Variants in UBR4 observed in about 807,000 individuals in gnomAD.
UBR4 encodes the protein ubiquitin protein ligase E3 component n-recognin 4, also known as E3 ubiquitin-protein ligase UBR4.
In UBR4, 124 loss-of-function variants were observed where a neutral mutation model predicts 575.6. The ratio of observed to expected loss-of-function variants is 0.22; its 90% confidence interval spans 0.19 to 0.25. UBR4 has a LOEUF of 0.25. Among genes scored for constraint, UBR4 ranks in the 10% least tolerant of loss-of-function variants. The pLI, the probability that UBR4 is intolerant of heterozygous loss-of-function variation, is 1.00. For missense variants in UBR4, 4,818 were observed against 6,478.8 expected, an observed-to-expected ratio of 0.74 and a Z score of 8.80; for synonymous variants, 2,455 against 2,473.7, an observed-to-expected ratio of 0.99 and a Z score of 0.22.
chr1:19,097,839 C>T (rs1557563094), intron 90 of UBR4, among the ~76,000 whole-genome samples: 1 of 152,148 alleles, frequency 6.6e-6, no homozygotes, highest in Non-Finnish European at 1.5e-5. Context: ...GAGATTCAGA[C>T]GTCTTTATAT....
intron 101 of UBR4, 76 bp downstream of exon 101, chr1:19,086,069 A>G: frequency 6.4e-7 from 1 of 1,555,908 alleles, no homozygotes. Context: ...TCACCAGGGG[A>G]TTGGGCTGAT....
At position 19,146,841 on chromosome 1, in the gene UBR4, G is replaced by A; in HGVS notation, c.7789C>T (p.Pro2597Ser). The A allele has an allele frequency of 6.2e-7, 1 of 1,613,492 alleles. No homozygotes were observed. Among genetic ancestry groups the A allele is most frequent in the South Asian group, 1.1e-5 (1 of 90,940 alleles). ...NLVHFTESKLPQMETEGMDEG... is the reference protein window; with the variant it reads ...NLVHFTESKLSQMETEGMDEG... The stretch of plus-strand genomic sequence containing the variant: ...CCAAGTTCACCTGTTTCCATCTGGG[G>A]CAGCTTTGACTCCGTAAAGTGGACA... Residue 2597 changes from proline to serine, a missense_variant, in exon 52 of 106, where the codon CCC (proline) becomes TCC (serine). Around this residue, in one of 29 missense-constraint regions of UBR4, gnomAD observed 340 missense variants for 375.4 expected, o/e 0.91. Transcript: ENST00000375254.
chr1:19,163,736 C>A (rs780466516), intron 34 of UBR4, 28 bp downstream of exon 34: 1 of 1,611,264 alleles, frequency 6.2e-7, no homozygotes, highest in East Asian at 2.2e-5. Context: ...TCCCTTCACC[C>A]CCCATTGTCA....
At chr1:19,099,786 T>C (rs796614003) in intron 89 of UBR4, 109 bp from the exon 90 acceptor site, 4 of 861,958 alleles carry the variant, frequency 4.6e-6, no homozygotes, top group Non-Finnish European at 3.6e-6. Context: ...AATTTTTATA[T>C]GTCATGGACC....
At chr1:19,155,184 A>AG in intron 43 of UBR4, 109 bp from the exon 44 acceptor site, 7 of 1,413,568 alleles carry the variant, frequency 5.0e-6, no homozygotes, top group Non-Finnish European at 6.9e-6. Context: ...CTCATACTCT[A>AG]AGCATGAGAT....
chr1:19,174,601 TACTC>T (rs2090018077), intron 21 of UBR4, among the ~76,000 whole-genome samples, 154 bp from the exon 22 acceptor site: 1 of 152,230 alleles, frequency 6.6e-6, no homozygotes, highest in South Asian at 2.1e-4. Context: ...TCTGGGACAT[TACTC>T]ACACTGTTTG....
intron 57 of UBR4, 88 bp from the exon 58 acceptor site, chr1:19,140,980 C>G: frequency 7.3e-7 from 1 of 1,363,116 alleles, no homozygotes; most frequent in Non-Finnish European, 1.0e-6. Flanking sequence ...TCAAGAGTCT[C>G]CAAACACCAG....
chr1:19,105,619 G>A (rs907978776), intron 84 of UBR4, 114 bp downstream of exon 84: 2 of 783,446 alleles, frequency 2.6e-6, no homozygotes, highest in Admixed American at 3.6e-5. Flanking sequence ...TGTTTCTGGG[G>A]TCTTCTACCC....
intron 99 of UBR4, 40 bp downstream of exon 99, chr1:19,087,776 G>T (rs368399500): frequency 3.2e-6 from 5 of 1,540,618 alleles, no homozygotes; most frequent in Non-Finnish European, 4.4e-6. Flanking sequence ...AAGGGGTCAG[G>T]CTGGGCCCTC....
chr1:19,149,067 A>G (rs531392112), intron 49 of UBR4, among the ~76,000 whole-genome samples: 1 of 152,300 alleles, frequency 6.6e-6, no homozygotes, highest in East Asian at 1.9e-4. Flanking sequence ...TATATGCACA[A>G]AGGCATTTCC....
intron 66 of UBR4, 143 bp from the exon 67 acceptor site, chr1:19,122,155 T>C (rs916125162): frequency 5.0e-6 from 4 of 801,010 alleles, no homozygotes; most frequent in Non-Finnish European, 8.3e-6. Context: ...CTTGCTGAGA[T>C]GTCTGGTCAA....
Position 19,081,364 on chromosome 1 carries a change from G to A in UBR4, c.15218C>T (p.Pro5073Leu), listed in dbSNP as rs142332763. The change falls in exon 103 of 106, where the codon CCA becomes CTA. Residue 5073 changes from proline (P) to leucine (L), a missense_variant. By Grantham distance (98) the Pro-to-Leu change is moderately conservative. This residue lies in a region of UBR4 where 212 missense variants were observed against 221.3 expected (regional missense o/e 0.96). Coordinates refer to ENST00000375254, the MANE Select transcript of UBR4 (RefSeq NM_020765.3). ...LVTSQARAVAPGGATRLTDKA... is the reference protein window; with the variant it reads ...LVTSQARAVALGGATRLTDKA... ...AGGTACTGACCTGGTGGCTCCACCT[G>A]GAGCCACTGCCCGAGCCTGCGAGGT... 10 of 1,603,540 alleles carry A rather than the reference G, an allele frequency of 6.2e-6. No homozygotes were observed. Among genetic ancestry groups the A allele is most frequent in the Non-Finnish European group, 8.5e-6 (10 of 1,175,108 alleles).
At chr1:19,195,168 G>C (rs1206727209) in intron 8 of UBR4, among the ~76,000 whole-genome samples, 1 of 151,404 alleles carries the variant, frequency 6.6e-6, no homozygotes, top group Admixed American at 6.6e-5. Context: ...GGGAGGCTGA[G>C]GCAGGAGAAT....
intron 94 of UBR4, 31 bp downstream of exon 94, chr1:19,094,875 C>G: frequency 6.2e-7 from 1 of 1,610,908 alleles, no homozygotes; most frequent in Admixed American, 1.7e-5. Context: ...GCTCTCAGTG[C>G]CTGCAGATGG....
At chr1:19,147,790 A>T (rs1213650572) in intron 51 of UBR4, among the ~76,000 whole-genome samples, 1 of 152,140 alleles carries the variant, frequency 6.6e-6, no homozygotes, top group African/African-American at 2.4e-5. Context: ...AATAAGTACA[A>T]ACCAGGGGCC....
chr1:19,123,734 T>C (rs954269880), intron 65 of UBR4, among the ~76,000 whole-genome samples: 2 of 152,172 alleles, frequency 1.3e-5, no homozygotes, highest in Non-Finnish European at 1.5e-5. Context: ...AAAGAGAAGA[T>C]TGGGTTGGTA....
At position 19,162,516 on chromosome 1, in the gene UBR4, A is replaced by G. The variant is rs2087549517; in HGVS notation, c.4860T>C (p.His1620=). ...LSQSNGQGPS[H]LSVDGEERAI... is the part of the protein sequence containing the mutation. Reference sequence around the variant, plus strand: ...CCCGCTCTTCCCCATCCACTGAGAGATGACTTGGGCCTTGACCATTACTCT... The same window carrying G: ...CCCGCTCTTCCCCATCCACTGAGAGGTGACTTGGGCCTTGACCATTACTCT... The change falls in exon 35 of 106, where the codon CAT becomes CAC. Residue 1620 remains histidine (H), a synonymous_variant. Transcript: ENST00000375254. The G allele has an allele frequency of 6.2e-7, 1 of 1,614,166 alleles. No homozygotes were observed. The highest frequency in any genetic ancestry group is 8.5e-7 in the Non-Finnish European group (1 of 1,180,024).
Position 19,086,672 on chromosome 1 carries a change from G to A in UBR4, c.14687+7C>T. The A allele has an allele frequency of 6.2e-7, 1 of 1,613,714 alleles. No homozygotes were observed. Among genetic ancestry groups the A allele is most frequent in the South Asian group, 1.1e-5 (1 of 91,046 alleles). On this transcript the variant is annotated splice_region_variant and intron_variant, in intron 100 of 105. Coordinates refer to ENST00000375254, the MANE Select transcript of UBR4 (RefSeq NM_020765.3). ...GAAGGAGCCATTCCGCAAGAGCCAG[G>A]GCCTACCTGACGGCAGCCAGATGGC...
chr1:19,076,522 C>T (rs1350644176), intron 105 of UBR4, among the ~76,000 whole-genome samples: 1 of 152,170 alleles, frequency 6.6e-6, no homozygotes, highest in Non-Finnish European at 1.5e-5. Flanking sequence ...CAGCCCATGT[C>T]GGGGAAAGAG....
Sources: allele counts gnomAD v4.1 joint callset (sites outside exome capture counted in the v4.1 genomes callset), GRCh38; gene constraint gnomAD v4.1.1; regional missense constraint gnomAD v4.1.1; transcripts MANE v1.5; gene names NCBI Gene and HGNC (gene_info 2026-07-23, HGNC 2026-07-21).